Variants in UNC79 observed in about 807,000 individuals in gnomAD.
UNC79 encodes unc-79 subunit of NALCN channel complex, also known as protein unc-79 homolog.
In UNC79, 37 loss-of-function variants were observed where a neutral mutation model predicts 283.1. That is an observed-to-expected ratio of 0.13 (90% CI 0.10 to 0.17). UNC79 has a LOEUF of 0.17. UNC79 is among the 10% of genes least tolerant of loss of function. UNC79 has a pLI of 1.00. For missense variants in UNC79, 2,272 were observed against 3,211.1 expected, an observed-to-expected ratio of 0.71 and a Z score of 7.07; for synonymous variants, 1,107 against 1,200.2, an observed-to-expected ratio of 0.92 and a Z score of 1.61.
chr14:93,449,045 T>C (rs2056552098), intron 1 of UNC79, among the ~76,000 whole-genome samples: 1 of 152,232 alleles, frequency 6.6e-6, no homozygotes, highest in African/African-American at 2.4e-5. Context: ...CTTTCGTGTC[T>C]TCCTGCATGG....
intron 5 of UNC79, among the ~76,000 whole-genome samples, chr14:93,493,722 C>G (rs2140539087): frequency 6.6e-6 from 1 of 151,462 alleles, no homozygotes; most frequent in Non-Finnish European, 1.5e-5. Context: ...AAAGAAGTGT[C>G]ATTGAGTCAT....
chr14:93,566,525 G>A lies in UNC79; in HGVS notation c.1756-5369G>A, dbSNP rs1271737135. On this transcript the variant is annotated intron_variant, in intron 14 of 48. Coordinates refer to ENST00000555664, the Ensembl canonical transcript of UNC79. ...GGTTACCTTGAGTAACAGGCCACCT[G>A]GTGGTCTGGCCCGCGGCAACAATGC... is the stretch of plus-strand genomic sequence containing the variant. 2.0e-5 allele frequency among the ~76,000 whole-genome samples: 3 copies of A among 152,072 alleles called. No individual in the cohort carries two copies. The South Asian group carries it at 6.2e-4, about 32-fold the overall frequency.
At chr14:93,675,837 T>C (rs2073296597) in intron 41 of UNC79, among the ~76,000 whole-genome samples, 1 of 152,190 alleles carries the variant, frequency 6.6e-6, no homozygotes, top group African/African-American at 2.4e-5. Context: ...ATGCAGGGCA[T>C]GCTGTCATCA....
intron 41 of UNC79, among the ~76,000 whole-genome samples, chr14:93,678,512 G>A (rs1244702752): frequency 1.3e-5 from 2 of 152,208 alleles, no homozygotes; most frequent in Non-Finnish European, 2.9e-5. Flanking sequence ...CCATACCTTT[G>A]TGTTGCCAAA....
intron 22 of UNC79, among the ~76,000 whole-genome samples, chr14:93,591,216 A>G (rs2064651054): frequency 6.6e-6 from 1 of 152,106 alleles, no homozygotes; most frequent in African/African-American, 2.4e-5. Context: ...GTACCTCCAT[A>G]TGCTCTCTGT....
chr14:93,578,528 A>G (rs759076266), intron 18 of UNC79, among the ~76,000 whole-genome samples: 1 of 152,204 alleles, frequency 6.6e-6, no homozygotes, highest in Non-Finnish European at 1.5e-5. Context: ...CAAGAATACT[A>G]TAAAGAATTC....
At chr14:93,686,289 G>GCA (rs144219008) in intron 42 of UNC79, among the ~76,000 whole-genome samples, 16 of 152,038 alleles carry the variant, frequency 1.1e-4, no homozygotes, top group South Asian at 6.2e-4. Flanking sequence ...TTAAAAACAA[G>GCA]CACACACACA....
At chr14:93,360,372 C>T (rs2054194488) in intron 1 of UNC79, among the ~76,000 whole-genome samples, 1 of 152,154 alleles carries the variant, frequency 6.6e-6, no homozygotes, top group African/African-American at 2.4e-5. Flanking sequence ...TTCACATCCC[C>T]AGTCAACTCA....
intron 1 of UNC79, among the ~76,000 whole-genome samples, chr14:93,418,429 A>G (rs1332295456): frequency 1.3e-5 from 2 of 150,970 alleles, no homozygotes; most frequent in Non-Finnish European, 3.0e-5. Context: ...GTCTGCCCCT[A>G]CTGGGGGGTG....
chr14:93,478,360 T>C (rs1245475068), intron 4 of UNC79, among the ~76,000 whole-genome samples: 1 of 152,240 alleles, frequency 6.6e-6, no homozygotes, highest in African/African-American at 2.4e-5. Context: ...GACTTAATCT[T>C]ACAGGCTTTC....
At chr14:93,468,385 C>T (rs1566960469) in intron 2 of UNC79, among the ~76,000 whole-genome samples, 1 of 152,114 alleles carries the variant, frequency 6.6e-6, no homozygotes, top group Non-Finnish European at 1.5e-5. Context: ...ATTAAGAAAA[C>T]AGAGCAAAGA....
intron 1 of UNC79, among the ~76,000 whole-genome samples, chr14:93,450,395 G>A (rs2056600633): frequency 6.6e-6 from 1 of 152,080 alleles, no homozygotes; most frequent in African/African-American, 2.4e-5. Context: ...TCTTGGTGAT[G>A]GCAACTTTCA....
chr14:93,605,616 A>G (rs1237149259), intron 26 of UNC79, among the ~76,000 whole-genome samples: 1 of 152,218 alleles, frequency 6.6e-6, no homozygotes, highest in South Asian at 2.1e-4. Context: ...CTTATTAGTC[A>G]AAAACAAATT....
intron 1 of UNC79, among the ~76,000 whole-genome samples, chr14:93,399,332 C>A (rs757694386): frequency 7.9e-5 from 12 of 152,070 alleles, no homozygotes; most frequent in Non-Finnish European, 1.0e-4. Context: ...CATCAAATTT[C>A]TTGTTGAAAT....
intron 41 of UNC79, among the ~76,000 whole-genome samples, chr14:93,682,113 T>C (rs747024998): frequency 1.3e-5 from 2 of 152,174 alleles, no homozygotes; most frequent in South Asian, 2.1e-4. Context: ...TGGGGGTCTT[T>C]ATCAGCACAA....
exon 39 of UNC79, chr14:93,659,245 C>A (rs1483653748): frequency 6.2e-7 from 1 of 1,611,344 alleles, no homozygotes; most frequent in South Asian, 1.1e-5. Context: ...AAGATCCCTT[C>A]TACCAATGCT....
intron 12 of UNC79, among the ~76,000 whole-genome samples, chr14:93,539,370 A>G (rs560333304): frequency 1.3e-5 from 2 of 151,278 alleles, no homozygotes; most frequent in East Asian, 4.0e-4. Flanking sequence ...AAAATACAAA[A>G]ATTAGCTGGG....
At chr14:93,450,697 C>A (rs547090632) in intron 1 of UNC79, among the ~76,000 whole-genome samples, 338 of 152,238 alleles carry the variant, frequency 2.2e-3, no homozygotes, top group African/African-American at 7.8e-3. Flanking sequence ...ATTTAAAAAT[C>A]TCTAGAAGTA....
chr14:93,372,854 C>T (rs1595399626), intron 1 of UNC79, among the ~76,000 whole-genome samples: 1 of 152,180 alleles, frequency 6.6e-6, no homozygotes, highest in Non-Finnish European at 1.5e-5. Context: ...CCAACAACAG[C>T]AGAGTACATG....
Sources: allele counts gnomAD v4.1 joint callset (sites outside exome capture counted in the v4.1 genomes callset), GRCh38; gene constraint gnomAD v4.1.1; transcripts MANE v1.5; gene names NCBI Gene and HGNC (gene_info 2026-07-23, HGNC 2026-07-21).